The following MAEA variants were observed in gnomAD, a reference collection of about 807,000 sequenced individuals.
The protein encoded by MAEA is macrophage erythroblast attacher, E3 ubiquitin ligase.
A neutral mutation model predicts 46.2 loss-of-function variants in MAEA; 22 were observed. The observed-to-expected ratio is 0.48, with a 90% CI of 0.34 to 0.68. The LOEUF (loss-of-function observed/expected upper bound fraction) is 0.68. MAEA is among the 30% of genes least tolerant of loss of function. The pLI is 0.01. For synonymous variants in MAEA, 246 were observed against 222.6 expected (o/e 1.11, Z -0.94); for missense variants, 393 against 558.1 (o/e 0.70, Z 2.98).
In MAEA at chr4:1,289,919, G is replaced by C. The variant is rs564516649; in HGVS notation, c.6G>C (p.Ala2=). 2 of 1,599,356 alleles carry C rather than the reference G, an allele frequency of 1.3e-6. No individual in the cohort carries two copies. The highest frequency in any genetic ancestry group is 1.7e-5 in the Admixed American group (1 of 59,184). The change falls in exon 1 of 9, where the codon GCG becomes GCC. Residue 2 remains alanine (A), a synonymous_variant. Transcript: ENST00000303400. The stretch of plus-strand genomic sequence containing the variant: ...AATGTTTTGGCCGCTTCAAGATGGC[G>C]GTGCAGGAGTCGGCGGCTCAGTTGT... M[A]VQESAAQLSM...
At chr4:1,291,340 A>G (rs779776393) in intron 1 of MAEA, among the ~76,000 whole-genome samples, 5 of 152,184 alleles carry the variant, frequency 3.3e-5, no homozygotes, top group Admixed American at 1.3e-4. Context: ...TTGTGTGTCC[A>G]GCACTTCTTT....
intron 2 of MAEA, among the ~76,000 whole-genome samples, chr4:1,312,746 T>C (rs1055352106): frequency 6.6e-6 from 1 of 152,194 alleles, no homozygotes; most frequent in Admixed American, 6.5e-5. Flanking sequence ...TATTTTTAGA[T>C]GGAATTTCAC....
chr4:1,321,094 C>A (rs763190201), intron 3 of MAEA, among the ~76,000 whole-genome samples: 4 of 151,644 alleles, frequency 2.6e-5, no homozygotes, highest in Non-Finnish European at 4.4e-5. Flanking sequence ...AGCGAGACTC[C>A]GTCTCAAAAA....
At chr4:1,305,499 A>T (rs969441627) in intron 1 of MAEA, among the ~76,000 whole-genome samples, 1 of 152,190 alleles carries the variant, frequency 6.6e-6, no homozygotes, top group East Asian at 1.9e-4. Flanking sequence ...TGGATATTGT[A>T]TGTCCATTTT....
intron 1 of MAEA, among the ~76,000 whole-genome samples, chr4:1,308,763 C>T (rs993861739): frequency 6.6e-6 from 1 of 152,186 alleles, no homozygotes; most frequent in Non-Finnish European, 1.5e-5. Flanking sequence ...TGGATATTTC[C>T]TTTGGTTGTG....
At chr4:1,294,864 C>A (rs866684062) in intron 1 of MAEA, among the ~76,000 whole-genome samples, 1 of 151,572 alleles carries the variant, frequency 6.6e-6, no homozygotes, top group Non-Finnish European at 1.5e-5. Context: ...CCAGTGAATG[C>A]GATATTGTGA....
intron 4 of MAEA, among the ~76,000 whole-genome samples, chr4:1,323,942 G>A (rs57106389): frequency 0.063 from 9,486 of 151,554 alleles, 907 homozygotes; most frequent in African/African-American, 0.21. Context: ...GTGGATGAGC[G>A]TGCCTGGTGT....
Position 1,311,215 on chromosome 4 carries a change from A to G in MAEA, c.70-764A>G, listed in dbSNP as rs1199770923. Reference sequence around the variant, plus strand: ...GTGGTGAGCTGCCGGCCACCAGTGCAGCCAGGACCGCAGGTGGTGTTTCCT... The same window carrying G: ...GTGGTGAGCTGCCGGCCACCAGTGCGGCCAGGACCGCAGGTGGTGTTTCCT... On this transcript the variant is annotated intron_variant, in intron 1 of 8. Transcript: ENST00000303400. The surrounding 1 kb of genome is among the most constrained non-coding windows in gnomAD (Gnocchi z 4.4). Among the ~76,000 whole-genome samples the G allele has an allele frequency of 1.3e-5, 2 of 152,238 alleles. No homozygotes were observed. The highest frequency in any genetic ancestry group is 2.9e-5 in the Non-Finnish European group (2 of 68,034).
Position 1,315,485 on chromosome 4 carries a change from C to T in MAEA, c.341C>T (p.Pro114Leu). Residue 114 changes from proline to leucine, a missense_variant, in exon 3 of 9, where the codon CCC (proline) becomes CTC (leucine). By Grantham distance (98) the Pro-to-Leu change is moderately conservative. Coordinates refer to ENST00000303400, the MANE Select transcript of MAEA (RefSeq NM_001017405.3). ...EHLKEHSSDQ[P>L]AAASVWKRKR... The stretch of plus-strand genomic sequence containing the variant: ...CTCAAAGAGCATAGCAGCGACCAGC[C>T]CGCGGCGGCCAGCGTGTGGAAGAGG... The T allele has an allele frequency of 6.2e-7, 1 of 1,613,866 alleles. No individual in the cohort carries two copies. Among genetic ancestry groups the T allele is most frequent in the Non-Finnish European group, 8.5e-7 (1 of 1,179,986 alleles).
intron 3 of MAEA, among the ~76,000 whole-genome samples, chr4:1,319,370 G>T (rs1737713850): frequency 6.6e-6 from 1 of 151,990 alleles, no homozygotes; most frequent in African/African-American, 2.4e-5. Flanking sequence ...ACAAAAGTCA[G>T]CATGAGCATT....
chr4:1,297,937 C>G (rs933778729), intron 1 of MAEA: 4 of 452,668 alleles, frequency 8.8e-6, no homozygotes, highest in Non-Finnish European at 1.8e-5. Context: ...CTGCCCTTCT[C>G]TGCTTCCCAT....
At chr4:1,329,125 C>T (rs775968482) in intron 5 of MAEA, 1 of 985,526 alleles carries the variant, frequency 1.0e-6, no homozygotes, top group Non-Finnish European at 1.2e-6. Context: ...CAAAACGTGT[C>T]CATCCCGGAG....
At chr4:1,328,204 G>A (rs566079857) in intron 5 of MAEA, among the ~76,000 whole-genome samples, 1 of 152,354 alleles carries the variant, frequency 6.6e-6, no homozygotes, top group East Asian at 1.9e-4. Context: ...CAAGGGCGGC[G>A]TGCAGTGAGC....
chr4:1,332,722 C>A, intron 5 of MAEA, 35 bp from the exon 6 acceptor site: 2 of 1,551,784 alleles, frequency 1.3e-6, no homozygotes, highest in South Asian at 1.1e-5. Context: ...AAAATTAAAA[C>A]GCAAACTTAA....
At chr4:1,291,026 G>T (rs1734056011) in intron 1 of MAEA, among the ~76,000 whole-genome samples, 1 of 152,188 alleles carries the variant, frequency 6.6e-6, no homozygotes, top group African/African-American at 2.4e-5. Flanking sequence ...ACCACGTATT[G>T]TTTCAAACAG....
rs556215801 is a variant in MAEA, at chr4:1,322,108, C to G, written c.457-273C>G. The stretch of plus-strand genomic sequence containing the variant: ...GCATGTGTGTCTCAGCAGCTCCTCT[C>G]CATGGACAGGTGGGGCCAGCCTGGC... On this transcript the variant is annotated intron_variant, in intron 3 of 8. Transcript: ENST00000303400. Among the ~76,000 whole-genome samples, 25 of 152,300 alleles carry G rather than the reference C, an allele frequency of 1.6e-4. 2 individuals are homozygous for G. The South Asian group carries it at 5.0e-3, about 30-fold the overall frequency.
chr4:1,302,568 T>C (rs1735420504), intron 1 of MAEA, among the ~76,000 whole-genome samples: 1 of 152,208 alleles, frequency 6.6e-6, no homozygotes, highest in South Asian at 2.1e-4. Context: ...CAAGCTCCGC[T>C]TCCCGGGTTC....
At chr4:1,322,343 C>T (rs141643048) in intron 3 of MAEA, 38 bp from the exon 4 acceptor site, 1 of 1,609,424 alleles carries the variant, frequency 6.2e-7, no homozygotes, top group Non-Finnish European at 8.5e-7. Flanking sequence ...GGCCTTGAGC[C>T]AGCACATTCT....
At chr4:1,304,597 C>T (rs1204877167) in intron 1 of MAEA, among the ~76,000 whole-genome samples, 5 of 152,074 alleles carry the variant, frequency 3.3e-5, no homozygotes, top group East Asian at 1.9e-4. Context: ...CCCGCCACCA[C>T]GCCTGGCTAA....
Sources: allele counts gnomAD v4.1 joint callset (sites outside exome capture counted in the v4.1 genomes callset), GRCh38; gene constraint gnomAD v4.1.1; non-coding constraint Gnocchi (gnomAD v3.1); transcripts MANE v1.5; gene names NCBI Gene and HGNC (gene_info 2026-07-23, HGNC 2026-07-21).